NRXN3: variants seen among roughly 807,000 people sequenced by gnomAD.
The protein encoded by NRXN3 is neurexin III.
In NRXN3, 32 loss-of-function variants were observed where a neutral mutation model predicts 137.6. The ratio of observed to expected loss-of-function variants is 0.23; its 90% CI spans 0.18 to 0.31. The LOEUF (loss-of-function observed/expected upper bound fraction) is 0.31. NRXN3 is among the 10% of genes least tolerant of loss of function. The probability of loss-of-function intolerance (pLI) is 1.00; values close to 1 mark genes in which losing one functional copy is unlikely to be tolerated. For missense variants in NRXN3, 1,574 were observed against 2,062.5 expected, an observed-to-expected ratio of 0.76 and a Z score of 4.59; for synonymous variants, 798 against 784.5, an observed-to-expected ratio of 1.02 and a Z score of -0.29.
chr14:79,205,322 T>A (rs2066639202), intron 15 of NRXN3, among the ~76,000 whole-genome samples: 2 of 152,174 alleles, frequency 1.3e-5, no homozygotes, highest in Non-Finnish European at 2.9e-5. Flanking sequence ...CATTGGTGTT[T>A]TTAATATATA....
At chr14:78,580,730 C>T (rs368655473) in intron 4 of NRXN3, among the ~76,000 whole-genome samples, 6 of 152,092 alleles carry the variant, frequency 3.9e-5, no homozygotes, top group African/African-American at 1.2e-4. Flanking sequence ...TCATTGAATC[C>T]CTCACTTGTA....
chr14:79,219,699 A>C (rs544068171), intron 15 of NRXN3, among the ~76,000 whole-genome samples: 1 of 152,242 alleles, frequency 6.6e-6, no homozygotes, highest in East Asian at 1.9e-4. Flanking sequence ...ACAACTTTTA[A>C]TAGACAGTGA....
intron 10 of NRXN3, among the ~76,000 whole-genome samples, chr14:78,950,807 C>A (rs1307028419): frequency 6.6e-6 from 1 of 152,138 alleles, no homozygotes. Flanking sequence ...TTGATTCATA[C>A]GTCTCAGCAG....
At chr14:79,092,688 T>C (rs759079513) in intron 15 of NRXN3, among the ~76,000 whole-genome samples, 1 of 152,198 alleles carries the variant, frequency 6.6e-6, no homozygotes, top group Non-Finnish European at 1.5e-5. Context: ...AATAAGTGAC[T>C]GAAATCAGCT....
intron 15 of NRXN3, among the ~76,000 whole-genome samples, chr14:79,360,895 A>G (rs1297533586): frequency 6.6e-6 from 1 of 152,222 alleles, no homozygotes; most frequent in East Asian, 1.9e-4. Context: ...TGTGTGAACA[A>G]TCTGTGCAGT....
chr14:79,256,379 G>C (rs1377495202), intron 15 of NRXN3, among the ~76,000 whole-genome samples: 1 of 152,100 alleles, frequency 6.6e-6, no homozygotes, highest in Non-Finnish European at 1.5e-5. Context: ...TCAGTGTTGG[G>C]TACCACTACC....
At position 78,480,060 on chromosome 14, in the gene NRXN3, G is replaced by A. The variant is rs1470937359; in HGVS notation, c.758-165060G>A. 4.6e-5 allele frequency among the ~76,000 whole-genome samples: 7 copies of A among 152,288 alleles called. No homozygotes were observed. In the East Asian group the frequency reaches 1.4e-3, roughly 29 times the overall value. On this transcript the variant is annotated intron_variant, in intron 4 of 20. Transcript: ENST00000335750. ...GAGGCTGAGGCAGGAAGAATTGCTT[G>A]AACCTGGGAGGCGGAGGTTGCAGTG... is the stretch of plus-strand genomic sequence containing the variant.
chr14:79,132,470 A>C (rs1211633086), intron 15 of NRXN3, among the ~76,000 whole-genome samples: 1 of 152,156 alleles, frequency 6.6e-6, no homozygotes, highest in Non-Finnish European at 1.5e-5. Context: ...TTTTGAAGTA[A>C]TATTTTGAAT....
intron 15 of NRXN3, among the ~76,000 whole-genome samples, chr14:79,443,699 A>C (rs954308635): frequency 2.0e-5 from 3 of 152,196 alleles, no homozygotes; most frequent in Non-Finnish European, 4.4e-5. Context: ...TGAATGAGGA[A>C]TCTTTGGGGC....
chr14:79,120,920 C>T (rs117727379), intron 15 of NRXN3, among the ~76,000 whole-genome samples: 1 of 152,186 alleles, frequency 6.6e-6, no homozygotes, highest in East Asian at 1.9e-4. Context: ...GAGGAGGATT[C>T]TAAGTAATCT....
intron 15 of NRXN3, among the ~76,000 whole-genome samples, chr14:79,081,094 A>G (rs1353628845): frequency 6.6e-6 from 1 of 152,130 alleles, no homozygotes; most frequent in East Asian, 1.9e-4. Flanking sequence ...TTTTGCGTCT[A>G]TTATCTCACT....
At chr14:78,228,953 C>T (rs2065031988) in intron 1 of NRXN3, among the ~76,000 whole-genome samples, 1 of 152,002 alleles carries the variant, frequency 6.6e-6, no homozygotes, top group African/African-American at 2.4e-5. Flanking sequence ...TTATAAGACT[C>T]AGTAAAAAGG....
chr14:78,302,479 C>T (rs1041748382), intron 4 of NRXN3, among the ~76,000 whole-genome samples: 2 of 152,146 alleles, frequency 1.3e-5, no homozygotes, highest in African/African-American at 4.8e-5. Context: ...GAATCAAACC[C>T]AGAATCTGTG....
At chr14:79,860,042 C>A (rs1345987654) in intron 20 of NRXN3, among the ~76,000 whole-genome samples, 1 of 152,098 alleles carries the variant, frequency 6.6e-6, no homozygotes, top group Non-Finnish European at 1.5e-5. Flanking sequence ...GGTAAGCAAC[C>A]ACTACTGCAG....
chr14:79,629,444 T>C (rs1603262686), intron 16 of NRXN3, among the ~76,000 whole-genome samples: 1 of 152,306 alleles, frequency 6.6e-6, no homozygotes, highest in South Asian at 2.1e-4. Flanking sequence ...TCCTAACATG[T>C]TACAATTTTA....
chr14:79,123,200 TC>T (rs1488690100), intron 15 of NRXN3, among the ~76,000 whole-genome samples: 2 of 151,994 alleles, frequency 1.3e-5, no homozygotes, highest in African/African-American at 4.8e-5. Context: ...GAAATGATTT[TC>T]TATGGCTGTG....
At position 79,355,249 on chromosome 14, in the gene NRXN3, G is replaced by GC. The variant is rs1555395408; in HGVS notation, c.3263-111972_3263-111971insC. On this transcript the variant is annotated intron_variant, in intron 15 of 20. Coordinates refer to ENST00000335750, the MANE Select transcript of NRXN3 (RefSeq NM_001330195.2). ...ACTCCTCCTATTCCTGGGCTTTTCTGTCCCCCACCCCCTTCCTTCCCTCCT... is the reference window on the plus strand; with the variant it reads ...ACTCCTCCTATTCCTGGGCTTTTCTGCTCCCCCACCCCCTTCCTTCCCTCCT... Among the ~76,000 whole-genome samples the GC allele has an allele frequency of 2.6e-3, 388 of 147,736 alleles. 5 individuals carry two copies. The highest frequency in any genetic ancestry group is 9.1e-3 in the African/African-American group (343 of 37,892).
At chr14:79,533,652 C>A (rs934382580) in intron 16 of NRXN3, among the ~76,000 whole-genome samples, 2 of 152,042 alleles carry the variant, frequency 1.3e-5, no homozygotes, top group South Asian at 2.1e-4. Context: ...ATGTTCTATT[C>A]AAAAAATTTT....
chr14:78,744,694 C>CTTTTT (rs771567715), intron 8 of NRXN3: 1 of 152,096 alleles, frequency 6.6e-6, no homozygotes, highest in African/African-American at 2.4e-5. Context: ...ACTTCCACAC[C>CTTTTT]TTTTTTTAAT....
Sources: gnomAD v4.1 joint callset for allele counts (sites outside exome capture counted in the v4.1 genomes callset) on GRCh38, gnomAD v4.1.1 for gene constraint, MANE v1.5 for transcripts, NCBI Gene and HGNC (gene_info 2026-07-23, HGNC 2026-07-21) for gene names.